SLC18A2: variants seen among roughly 807,000 people sequenced by gnomAD.
SLC18A2 encodes the protein solute carrier family 18 member A2, also known as synaptic vesicular amine transporter.
SLC18A2 carries 33 observed loss-of-function variants against 59.2 expected under a neutral mutation model. The ratio of observed to expected loss-of-function variants is 0.56; its 90% CI spans 0.42 to 0.75. SLC18A2 has a LOEUF of 0.75. Among genes scored for constraint, SLC18A2 ranks in the 30% least tolerant of loss-of-function variants. The pLI is 0.00. For synonymous variants in SLC18A2, 228 were observed against 253.5 expected (o/e 0.90, Z 0.95); for missense variants, 569 against 668.6 (o/e 0.85, Z 1.64).
chr10:117,250,148 G>A (rs1327482136), intron 3 of SLC18A2, among the ~76,000 whole-genome samples: 1 of 152,212 alleles, frequency 6.6e-6, no homozygotes, highest in East Asian at 1.9e-4. Context: ...TTTGAGAACG[G>A]AGACCCAGGA....
At chr10:117,251,512 C>G (rs1844162535) in intron 3 of SLC18A2, among the ~76,000 whole-genome samples, 1 of 152,164 alleles carries the variant, frequency 6.6e-6, no homozygotes, top group Non-Finnish European at 1.5e-5. Context: ...TGGGGCCCCA[C>G]TTTGTGAATT....
intron 10 of SLC18A2, among the ~76,000 whole-genome samples, chr10:117,262,269 C>T (rs565042559): frequency 7.2e-5 from 11 of 152,286 alleles, no homozygotes; most frequent in African/African-American, 2.6e-4. Flanking sequence ...AGCCTGACAT[C>T]AGAAGAGGTA....
Position 117,279,326 on chromosome 10 carries a change from G to A in SLC18A2, c.*2060G>A, listed in dbSNP as rs902383202. On this transcript the variant is annotated 3_prime_UTR_variant, in exon 16 of 16. Transcript: ENST00000644641. ...TTTTATGTTTGGACCTGGTAATACA[G>A]ATACAAAAACTTTAATGAGGTAGCA... 1.3e-5 allele frequency: 2 copies of A among 152,106 alleles called. No homozygotes were observed. The highest frequency in any genetic ancestry group is 4.8e-5 in the African/African-American group (2 of 41,420). The allele number at this position is 152,106 out of a possible 1,614,324, so 9.4% of individuals were successfully genotyped here.
At chr10:117,250,218 G>A (rs894879477) in intron 3 of SLC18A2, among the ~76,000 whole-genome samples, 6 of 152,154 alleles carry the variant, frequency 3.9e-5, no homozygotes, top group East Asian at 1.9e-4. Flanking sequence ...GATGCCCAGC[G>A]CTTACCACTG....
intron 15 of SLC18A2, among the ~76,000 whole-genome samples, chr10:117,274,530 T>G (rs1565010560): frequency 6.6e-6 from 1 of 152,206 alleles, no homozygotes; most frequent in Non-Finnish European, 1.5e-5. Context: ...GTGACCTGCC[T>G]GCCTGGGAGC....
intron 9 of SLC18A2, 129 bp downstream of exon 9, chr10:117,255,786 A>G (rs1844223511): frequency 2.6e-6 from 2 of 758,978 alleles, no homozygotes; most frequent in Non-Finnish European, 4.2e-6. Flanking sequence ...AAAAAACAGA[A>G]AAGGCAAAGA....
At chr10:117,265,699 C>T (rs1463904990) in intron 10 of SLC18A2, among the ~76,000 whole-genome samples, 2 of 152,014 alleles carry the variant, frequency 1.3e-5, no homozygotes, top group Non-Finnish European at 2.9e-5. Context: ...ATGCGGAGGA[C>T]AGGTTCAAGG....
intron 3 of SLC18A2, 148 bp downstream of exon 3, chr10:117,244,461 G>A: frequency 1.5e-6 from 1 of 672,860 alleles, no homozygotes; most frequent in East Asian, 2.7e-5. Flanking sequence ...CTTCCCCTAT[G>A]TCTCTGTTCC....
chr10:117,243,958 C>T lies in SLC18A2; in HGVS notation c.122-13C>T. The stretch of plus-strand genomic sequence containing the variant: ...GTGTGATCACCACCTTGCCATTCTG[C>T]TCTTATCCCCAGTCCCCATCATCCC... On this transcript the variant is annotated splice_polypyrimidine_tract_variant and intron_variant, in intron 2 of 15. Transcript: ENST00000644641. 6.2e-7 allele frequency: 1 copy of T among 1,603,126 alleles called. No homozygotes were observed. The highest frequency in any genetic ancestry group is 1.3e-5 in the African/African-American group (1 of 74,800).
At chr10:117,259,815 T>C (rs913444349) in intron 10 of SLC18A2, among the ~76,000 whole-genome samples, 1 of 152,192 alleles carries the variant, frequency 6.6e-6, no homozygotes, top group African/African-American at 2.4e-5. Context: ...TCTGTTTTCC[T>C]CCTCTGGGCT....
At chr10:117,274,052 C>T (rs967136927) in intron 15 of SLC18A2, among the ~76,000 whole-genome samples, 4 of 152,202 alleles carry the variant, frequency 2.6e-5, no homozygotes, top group Non-Finnish European at 5.9e-5. Context: ...GCACTGCGGC[C>T]GCCCTACTTG....
In SLC18A2 at chr10:117,270,210, A is replaced by T; in HGVS notation, c.1306+20A>T. On this transcript the variant is annotated intron_variant, in intron 14 of 15. Transcript: ENST00000644641. Reference sequence around the variant, plus strand: ...CTATAGGTAAGGACATTGGCTTTTCATAAGAACCTTTTACCTCAATACGTA... The same window carrying T: ...CTATAGGTAAGGACATTGGCTTTTCTTAAGAACCTTTTACCTCAATACGTA... 6.2e-7 allele frequency: 1 copy of T among 1,614,052 alleles called. No homozygotes were observed. Among genetic ancestry groups the T allele is most frequent in the Non-Finnish European group, 8.5e-7 (1 of 1,179,996 alleles).
chr10:117,247,915 A>T (rs755586927), intron 3 of SLC18A2, among the ~76,000 whole-genome samples: 2 of 152,160 alleles, frequency 1.3e-5, no homozygotes, highest in Non-Finnish European at 2.9e-5. Context: ...CACAGTCGTG[A>T]TGGTGCCATG....
At chr10:117,249,843 G>A (rs1460600252) in intron 3 of SLC18A2, among the ~76,000 whole-genome samples, 1 of 151,772 alleles carries the variant, frequency 6.6e-6, no homozygotes, top group Admixed American at 6.6e-5. Flanking sequence ...ACTCAAATTG[G>A]ATTAACTGCT....
At chr10:117,266,197 G>A (rs1589983895) in intron 10 of SLC18A2, among the ~76,000 whole-genome samples, 1 of 151,738 alleles carries the variant, frequency 6.6e-6, no homozygotes. Flanking sequence ...AAACAAGCAG[G>A]ATAGAGTATA....
intron 10 of SLC18A2, among the ~76,000 whole-genome samples, chr10:117,260,991 T>C (rs889287528): frequency 3.9e-5 from 6 of 152,210 alleles, no homozygotes; most frequent in Admixed American, 2.0e-4. Flanking sequence ...TGTGCTTTGC[T>C]AGTTTTAAGG....
chr10:117,268,824 TTA>T, intron 13 of SLC18A2, among the ~76,000 whole-genome samples: 1 of 147,698 alleles, frequency 6.8e-6, no homozygotes, highest in South Asian at 2.2e-4. Flanking sequence ...GTATGTATGT[TTA>T]TGTGTGTGTG....
At chr10:117,249,516 T>C (rs1469772813) in intron 3 of SLC18A2, among the ~76,000 whole-genome samples, 1 of 152,110 alleles carries the variant, frequency 6.6e-6, no homozygotes, top group Non-Finnish European at 1.5e-5. Flanking sequence ...CTTTTAGGAG[T>C]GTGTAGGGAT....
intron 10 of SLC18A2, 75 bp from the exon 11 acceptor site, chr10:117,266,658 T>C: frequency 9.0e-7 from 1 of 1,108,194 alleles, no homozygotes; most frequent in Non-Finnish European, 1.3e-6. Flanking sequence ...AACATTGTGG[T>C]GTCTACAGTT....
Sources: gnomAD v4.1 joint callset for allele counts (sites outside exome capture counted in the v4.1 genomes callset) on GRCh38, gnomAD v4.1.1 for gene constraint, MANE v1.5 for transcripts, NCBI Gene and HGNC (gene_info 2026-07-23, HGNC 2026-07-21) for gene names.